Variants in DNAH14 observed in about 807,000 individuals in gnomAD.
The protein encoded by DNAH14 is dynein axonemal heavy chain 14, also known as axonemal beta dynein heavy chain 14.
A neutral mutation model predicts 520.9 loss-of-function variants in DNAH14; 478 were observed. The observed-to-expected ratio is 0.92, with a 90% confidence interval of 0.85 to 0.99. The LOEUF is 0.99. Among genes scored for constraint, DNAH14 ranks in the 50% least tolerant of loss-of-function variants. The pLI, the probability that DNAH14 is intolerant of heterozygous loss-of-function variation, is 0.00. For missense variants in DNAH14, 4,831 were observed against 5,234.5 expected, an observed-to-expected ratio of 0.92 and a Z score of 2.38; for synonymous variants, 1,581 against 1,757.2, an observed-to-expected ratio of 0.90 and a Z score of 2.51.
intron 17 of DNAH14, among the ~76,000 whole-genome samples, chr1:225,064,398 T>A (rs1367445041): frequency 1.3e-5 from 2 of 151,990 alleles, no homozygotes; most frequent in African/African-American, 4.8e-5. Context: ...ATTTAATCCA[T>A]CAGTTCCATT....
intron 54 of DNAH14, among the ~76,000 whole-genome samples, chr1:225,282,657 A>G (rs2093652432): frequency 6.6e-6 from 1 of 152,200 alleles, no homozygotes; most frequent in Non-Finnish European, 1.5e-5. Context: ...GAAATGCTCT[A>G]GGAAATGTGC....
intron 27 of DNAH14, 112 bp from the exon 28 acceptor site, chr1:225,140,656 T>A (rs1008041112): frequency 4.5e-6 from 4 of 892,672 alleles, no homozygotes; most frequent in Non-Finnish European, 6.5e-6. Context: ...AACACTTACA[T>A]ACACACCACA....
At chr1:225,358,450 T>C in intron 73 of DNAH14, 46 bp from the exon 74 acceptor site, 1 of 1,410,496 alleles carries the variant, frequency 7.1e-7, no homozygotes, top group East Asian at 2.5e-5. Context: ...AATATCTCTC[T>C]GGGTGGCTTT....
intron 66 of DNAH14, among the ~76,000 whole-genome samples, chr1:225,336,046 C>CATATATGTGT (rs1553337811): frequency 1.4e-5 from 2 of 141,578 alleles, no homozygotes; most frequent in African/African-American, 5.2e-5. Flanking sequence ...CACATATATG[C>CATATATGTGT]ATATATACAT....
At chr1:225,395,745 CTG>C (rs1205593783) in intron 84 of DNAH14, 1 of 152,222 alleles carries the variant, frequency 6.6e-6, no homozygotes, top group Non-Finnish European at 1.5e-5. Flanking sequence ...TTCTGGTCCA[CTG>C]GGGATACTTC....
rs573158578 is a variant in DNAH14, at chr1:224,967,422, T to A, written c.499-9T>A. On this transcript the variant is annotated splice_polypyrimidine_tract_variant and intron_variant, in intron 5 of 85. Transcript: ENST00000682510. ...TTAAATTTGTTTATTATTTTTTTTTTAATCTCAGAAACCTTTGGAAGATGA... is the reference window on the plus strand; with the variant it reads ...TTAAATTTGTTTATTATTTTTTTTTAAATCTCAGAAACCTTTGGAAGATGA... 21 of 1,515,622 alleles carry A rather than the reference T, an allele frequency of 1.4e-5. No homozygotes were observed. Among genetic ancestry groups the A allele is most frequent in the East Asian group, 2.4e-5 (1 of 42,194 alleles). The allele number at this position is 1,515,622 out of a possible 1,614,324, so 93.9% of individuals were successfully genotyped here.
rs1427513869 is a variant in DNAH14, at chr1:225,060,867, C to T, written c.2424+9072C>T. ...AGCAAATGTTGCTGCCTGATCATTC[C>T]TCTGGAAGTTTTGTCTCAGAGGAGT... On this transcript the variant is annotated intron_variant, in intron 17 of 85. Coordinates refer to ENST00000682510, the MANE Select transcript of DNAH14 (RefSeq NM_001367479.1). Among the ~76,000 whole-genome samples, 32 of 45,468 alleles carry T rather than the reference C, an allele frequency of 7.0e-4. 13 individuals carry two copies. The highest frequency in any genetic ancestry group is 6.3e-3 in the Admixed American group (32 of 5,076). The allele number at this position is 45,468 out of a possible 152,430, so 29.8% of individuals were successfully genotyped here.
intron 23 of DNAH14, among the ~76,000 whole-genome samples, chr1:225,112,067 T>C (rs1013003053): frequency 6.6e-6 from 1 of 152,104 alleles, no homozygotes; most frequent in Non-Finnish European, 1.5e-5. Flanking sequence ...AAGATATGAG[T>C]AGTTTACACA....
chr1:224,936,848 C>T (rs1057176916), intron 1 of DNAH14, among the ~76,000 whole-genome samples: 60 of 151,948 alleles, frequency 3.9e-4, no homozygotes, highest in African/African-American at 1.3e-3. Context: ...AATTCAACAA[C>T]ACATTAAAAA....
intron 11 of DNAH14, among the ~76,000 whole-genome samples, chr1:225,026,594 C>A (rs1275767788): frequency 1.3e-5 from 2 of 152,148 alleles, no homozygotes; most frequent in East Asian, 3.9e-4. Flanking sequence ...TATTTTCAGA[C>A]CCTCAATTTC....
At chr1:225,150,735 CA>C (rs1477859733) in intron 31 of DNAH14, among the ~76,000 whole-genome samples, 3 of 135,760 alleles carry the variant, frequency 2.2e-5, no homozygotes, top group African/African-American at 1.0e-4. Context: ...TTTCCACATA[CA>C]TTTTTTTTTT....
chr1:225,012,423 A>G (rs1454232277), intron 10 of DNAH14, among the ~76,000 whole-genome samples: 9 of 150,620 alleles, frequency 6.0e-5, no homozygotes, highest in Admixed American at 4.6e-4. Context: ...TGATGATTAT[A>G]TGTCTTGGGG....
intron 3 of DNAH14, among the ~76,000 whole-genome samples, chr1:224,959,620 T>C (rs753093039): frequency 6.6e-5 from 10 of 152,104 alleles, no homozygotes; most frequent in Non-Finnish European, 1.0e-4. Flanking sequence ...AGGTAAGCCA[T>C]AGACAAAATA....
chr1:225,359,551 G>A (rs542029089), intron 74 of DNAH14, among the ~76,000 whole-genome samples: 1 of 152,180 alleles, frequency 6.6e-6, no homozygotes, highest in South Asian at 2.1e-4. Flanking sequence ...AATCAAATGT[G>A]TCTTTAGAAT....
At chr1:225,247,822 C>A (rs922416935) in intron 43 of DNAH14, among the ~76,000 whole-genome samples, 1 of 151,948 alleles carries the variant, frequency 6.6e-6, no homozygotes, top group Non-Finnish European at 1.5e-5. Context: ...GTCAGGAGAC[C>A]TCCTGGCTAA....
intron 17 of DNAH14, among the ~76,000 whole-genome samples, chr1:225,064,890 G>A (rs2449261): frequency 0.74 from 112,110 of 151,746 alleles, 44,279 homozygotes; most frequent in Non-Finnish European, 0.88. Context: ...TAAACAATTA[G>A]CATTTTTCTA....
chr1:225,021,777 A>G (rs1466791304), intron 10 of DNAH14, among the ~76,000 whole-genome samples: 1 of 152,208 alleles, frequency 6.6e-6, no homozygotes, highest in Non-Finnish European at 1.5e-5. Context: ...AATTCAAAAA[A>G]AAAACTATTC....
At position 225,305,065 on chromosome 1, in the gene DNAH14, G is replaced by A. The variant is rs189545024; in HGVS notation, c.8981G>A (p.Arg2994Gln). 134 of 1,536,546 alleles carry A rather than the reference G, an allele frequency of 8.7e-5. No homozygotes were observed. In the African/African-American group the frequency reaches 1.6e-3, roughly 19 times the overall value. ...ACATTTGCACACATTTTGAGGGCACGAGAGGAAGAGATGCAAACAAAGAGG... is the reference window on the plus strand; with the variant it reads ...ACATTTGCACACATTTTGAGGGCACAAGAGGAAGAGATGCAAACAAAGAGG... Reference protein sequence around the residue: ...METFAHILRAREEEMQTKRDR... With the variant: ...METFAHILRAQEEEMQTKRDR... Residue 2994 changes from arginine (R) to glutamine (Q), a missense_variant, in exon 58 of 86, where the codon CGA becomes CAA. By Grantham distance (43) the Arg-to-Gln change is conservative. Transcript: ENST00000682510.
In DNAH14 at chr1:224,955,111, A is replaced by G. The variant is rs769288542; in HGVS notation, c.217+13A>G. 7 of 1,605,244 alleles carry G rather than the reference A, an allele frequency of 4.4e-6. No homozygotes were observed. The highest frequency in any genetic ancestry group is 5.1e-6 in the Non-Finnish European group (6 of 1,176,634). On this transcript the variant is annotated intron_variant, in intron 3 of 85. Transcript: ENST00000682510. ...GAGAAAACAGAAGGTATTTATCAAG[A>G]TTACTATTCTGGCATGTTGATTTAT...
Sources: allele counts gnomAD v4.1 joint callset (sites outside exome capture counted in the v4.1 genomes callset), GRCh38; gene constraint gnomAD v4.1.1; transcripts MANE v1.5; gene names NCBI Gene and HGNC (gene_info 2026-07-23, HGNC 2026-07-21).